LMO7: variants seen among roughly 807,000 people sequenced by gnomAD.
The protein encoded by LMO7 is LIM domain only protein 7.
Under a neutral mutation model 206.5 loss-of-function variants are expected in LMO7, and 120 were observed. That is an observed-to-expected ratio of 0.58 (90% CI 0.50 to 0.68). LMO7 has a LOEUF of 0.68. Among genes scored for constraint, LMO7 ranks in the 30% least tolerant of loss-of-function variants. The pLI is 0.00. For missense variants in LMO7, 1,959 were observed against 1,957.9 expected, an observed-to-expected ratio of 1.00 and a Z score of -0.01; for synonymous variants, 706 against 681.5, an observed-to-expected ratio of 1.04 and a Z score of -0.56.
At chr13:75,824,591 T>G (rs2138549474) in intron 15 of LMO7, among the ~76,000 whole-genome samples, 1 of 152,298 alleles carries the variant, frequency 6.6e-6, no homozygotes, top group Admixed American at 6.5e-5. Flanking sequence ...TTTTGTAGCC[T>G]ACCTGTAAAA....
At chr13:75,654,818 A>G (rs921865426) in intron 1 of LMO7, among the ~76,000 whole-genome samples, 1 of 151,258 alleles carries the variant, frequency 6.6e-6, no homozygotes, top group Non-Finnish European at 1.5e-5. Context: ...TTATTTTTCA[A>G]ATATTTTCCT....
At chr13:75,626,902 T>G (rs2034266341) in intron 2 of LMO7, 1 of 152,028 alleles carries the variant, frequency 6.6e-6, no homozygotes, top group African/African-American at 2.4e-5. Context: ...TTTTTAAGTG[T>G]ACGATACATT....
intron 1 of LMO7, chr13:75,689,197 T>A (rs1206552305): frequency 6.6e-6 from 1 of 152,164 alleles, no homozygotes; most frequent in East Asian, 1.9e-4. Flanking sequence ...TCACTCCACA[T>A]CATTTATTTA....
Position 75,817,160 on chromosome 13 carries a change from GGAGT to G in LMO7, c.1947_1950del (p.Lys651ProfsTer2). The G allele has an allele frequency of 6.2e-7, 1 of 1,607,314 alleles. No homozygotes were observed. Among genetic ancestry groups the G allele is most frequent in the Non-Finnish European group, 8.5e-7 (1 of 1,174,390 alleles). On this transcript the variant is annotated frameshift_variant and splice_region_variant, in exon 12 of 31. Coordinates refer to ENST00000377534, the MANE Select transcript of LMO7 (RefSeq NM_001306080.2). LOFTEE classifies it high-confidence loss of function. ...AGTAACCATGAGTCTTTTTGTTGTA[GGAGT>G]AAGTCCATGAGTGATGTCAGCGCAG...
intron 30 of LMO7, chr13:75,856,838 G>T: frequency 2.5e-6 from 1 of 403,016 alleles, no homozygotes; most frequent in Non-Finnish European, 4.6e-6. Context: ...GAGAGGAACA[G>T]TGTCCAAAAG....
chr13:75,746,470 A>G (rs1270235923), intron 3 of LMO7, among the ~76,000 whole-genome samples: 1 of 152,124 alleles, frequency 6.6e-6, no homozygotes. Context: ...AACCCTCTAG[A>G]GGTGGTGGAA....
chr13:75,854,903 G>A (rs994402860), intron 28 of LMO7: 1 of 168,088 alleles, frequency 5.9e-6, no homozygotes, highest in Non-Finnish European at 1.3e-5. Context: ...TCAGCATTGT[G>A]TGCTTTGGTT....
intron 15 of LMO7, among the ~76,000 whole-genome samples, chr13:75,830,114 C>G (rs556482020): frequency 3.9e-5 from 6 of 152,266 alleles, no homozygotes; most frequent in South Asian, 2.1e-4. Context: ...GTAGGATACT[C>G]ACTTGGCATA....
intron 1 of LMO7, among the ~76,000 whole-genome samples, chr13:75,707,688 G>A (rs2042760572): frequency 6.6e-6 from 1 of 151,970 alleles, no homozygotes; most frequent in Non-Finnish European, 1.5e-5. Context: ...ATGCCAGATT[G>A]CCACGTCTTC....
chr13:75,690,954 A>G (rs2139629577), intron 1 of LMO7, among the ~76,000 whole-genome samples: 1 of 152,298 alleles, frequency 6.6e-6, no homozygotes, highest in South Asian at 2.1e-4. Context: ...TGTGTAAGGG[A>G]TTACCTATAA....
rs186220323 is a variant in LMO7 at position 75,732,641 on chromosome 13, T to C, written c.210+5543T>C. Among the ~76,000 whole-genome samples, 795 of 152,366 alleles carry C rather than the reference T, an allele frequency of 5.2e-3. 9 individuals carry two copies. The highest frequency in any genetic ancestry group is 0.018 in the African/African-American group (763 of 41,580). On this transcript the variant is annotated intron_variant, in intron 3 of 30. Transcript: ENST00000377534. ...CTCTCAACTCGTCAAAGTCATTCTC[T>C]GTCCAGCTTTGTTCCATTGCTGGTG...
At chr13:75,731,959 C>G (rs927022774) in intron 3 of LMO7, among the ~76,000 whole-genome samples, 6 of 152,190 alleles carry the variant, frequency 3.9e-5, no homozygotes, top group African/African-American at 7.2e-5. Flanking sequence ...GGCCCCCACT[C>G]TCTTCTGGCT....
In LMO7 at chr13:75,857,957, A is replaced by T. The variant is rs761660373; in HGVS notation, c.*14A>T. On this transcript the variant is annotated 3_prime_UTR_variant, in exon 31 of 31. Transcript: ENST00000377534. ...ACCGCCATGTGATGTAAGCCTCCAT[A>T]CGAAAGCACTGTTGCAGATAGAAGA... is the stretch of plus-strand genomic sequence containing the variant. The T allele has an allele frequency of 3.7e-6, 6 of 1,610,086 alleles. No homozygotes were observed. The highest frequency in any genetic ancestry group is 5.1e-6 in the Non-Finnish European group (6 of 1,177,984).
intron 24 of LMO7, among the ~76,000 whole-genome samples, chr13:75,842,278 G>T (rs1000818281): frequency 6.6e-6 from 1 of 152,092 alleles, no homozygotes; most frequent in Admixed American, 6.5e-5. Context: ...TACTCACTCT[G>T]TTCCAGCCCC....
chr13:75,713,312 GA>G, intron 2 of LMO7, 60 bp downstream of exon 2: 1 of 1,218,080 alleles, frequency 8.2e-7, no homozygotes, highest in Non-Finnish European at 1.2e-6. Context: ...GTGTGTGAGT[GA>G]TGAGGTGTTT....
At chr13:75,655,351 C>T (rs1477620977) in intron 1 of LMO7, among the ~76,000 whole-genome samples, 1 of 152,090 alleles carries the variant, frequency 6.6e-6, no homozygotes, top group East Asian at 1.9e-4. Flanking sequence ...TAAACTGTTA[C>T]AAGCTTATTT....
At chr13:75,641,053 T>C (rs1264333842) in intron 1 of LMO7, among the ~76,000 whole-genome samples, 2 of 152,208 alleles carry the variant, frequency 1.3e-5, no homozygotes, top group Non-Finnish European at 2.9e-5. Flanking sequence ...AGTCACCAAA[T>C]TCTTAGCCCT....
intron 15 of LMO7, 24 bp downstream of exon 15, chr13:75,823,897 C>T: frequency 6.3e-7 from 1 of 1,585,980 alleles, no homozygotes. Flanking sequence ...AGTTCTTTAT[C>T]ATCTGTGGCT....
At chr13:75,843,867 C>T (rs2059751341) in intron 25 of LMO7, among the ~76,000 whole-genome samples, 1 of 152,058 alleles carries the variant, frequency 6.6e-6, no homozygotes, top group Admixed American at 6.6e-5. Flanking sequence ...TATCTACAAG[C>T]AGCCGGGATG....
Sources: gnomAD v4.1 joint callset for allele counts (sites outside exome capture counted in the v4.1 genomes callset) on GRCh38, gnomAD v4.1.1 for gene constraint, MANE v1.5 for transcripts, NCBI Gene and HGNC (gene_info 2026-07-23, HGNC 2026-07-21) for gene names.